DLGAP1: variants seen among roughly 807,000 people sequenced by gnomAD.
DLGAP1 encodes DLG associated protein 1, also known as disks large-associated protein 1.
A neutral mutation model predicts 90.8 loss-of-function variants in DLGAP1; 11 were observed. The observed-to-expected ratio is 0.12, with a 90% confidence interval of 0.08 to 0.20. The LOEUF (loss-of-function observed/expected upper bound fraction) is 0.20. Ranked by LOEUF, DLGAP1 falls within the 10% of genes least tolerant of loss-of-function variation. DLGAP1 has a pLI of 1.00. For synonymous variants in DLGAP1, 558 were observed against 540.7 expected (o/e 1.03, Z -0.44); for missense variants, 1,050 against 1,333.8 (o/e 0.79, Z 3.31).
chr18:4,007,325 C>T (rs1233336210), intron 2 of DLGAP1, among the ~76,000 whole-genome samples: 4 of 152,154 alleles, frequency 2.6e-5, no homozygotes, highest in Middle Eastern at 3.4e-3. Context: ...CCAACCCCCA[C>T]GTTTCCCCTC....
At chr18:4,056,515 T>A (rs534877568) in intron 2 of DLGAP1, among the ~76,000 whole-genome samples, 80 of 152,334 alleles carry the variant, frequency 5.3e-4, no homozygotes, top group African/African-American at 1.8e-3. Context: ...TTAGATCCTG[T>A]CAATTCTGTA....
In DLGAP1 at chr18:3,614,795, G is replaced by A. The variant is rs369951976; in HGVS notation, c.1592-32547C>T. 2.4e-4 allele frequency among the ~76,000 whole-genome samples: 36 copies of A among 148,790 alleles called. No homozygotes were observed. In the East Asian group the frequency reaches 2.8e-3, roughly 12 times the overall value. Reference sequence around the variant, plus strand: ...TCCCGGGAGGCAGATGTTGCCGTAAGTCGAGATAGTGCCACTGCACTCCAG... The same window carrying A: ...TCCCGGGAGGCAGATGTTGCCGTAAATCGAGATAGTGCCACTGCACTCCAG... On this transcript the variant is annotated intron_variant, in intron 7 of 12. Coordinates refer to ENST00000315677, the MANE Select transcript of DLGAP1 (RefSeq NM_004746.4).
chr18:3,616,688 G>A (rs2057882667), intron 7 of DLGAP1, among the ~76,000 whole-genome samples: 1 of 152,016 alleles, frequency 6.6e-6, no homozygotes, highest in African/African-American at 2.4e-5. Context: ...CCAGAAGGTC[G>A]AGGCTGCAGT....
chr18:3,777,797 T>A (rs2065003344), intron 5 of DLGAP1, among the ~76,000 whole-genome samples: 1 of 152,188 alleles, frequency 6.6e-6, no homozygotes, highest in Non-Finnish European at 1.5e-5. Context: ...TACAATGACA[T>A]AATTGGACTA....
chr18:4,444,172 GACGCTCC>G (rs1392617222), intron 1 of DLGAP1, among the ~76,000 whole-genome samples: 1 of 152,216 alleles, frequency 6.6e-6, no homozygotes, highest in Non-Finnish European at 1.5e-5. Context: ...CCACGAGGGA[GACGCTCC>G]TCTTTAAGGA....
intron 4 of DLGAP1, among the ~76,000 whole-genome samples, chr18:3,846,559 A>G (rs2069025144): frequency 6.6e-6 from 1 of 152,222 alleles, no homozygotes; most frequent in South Asian, 2.1e-4. Context: ...GTATCCACTA[A>G]CTGATGAAAG....
intron 1 of DLGAP1, among the ~76,000 whole-genome samples, chr18:4,170,472 G>A (rs1036589616): frequency 1.2e-4 from 19 of 152,134 alleles, no homozygotes; most frequent in Admixed American, 1.2e-3. Flanking sequence ...GTGAGGTCAG[G>A]TGAAAGCCAC....
At chr18:4,128,786 C>T (rs749312845) in intron 2 of DLGAP1, among the ~76,000 whole-genome samples, 9 of 152,082 alleles carry the variant, frequency 5.9e-5, no homozygotes, top group Admixed American at 4.6e-4. Context: ...TGAGAGTGAA[C>T]GACAGAAGCC....
intron 1 of DLGAP1, among the ~76,000 whole-genome samples, chr18:4,281,745 T>C (rs1451782698): frequency 6.6e-6 from 1 of 152,210 alleles, no homozygotes; most frequent in African/African-American, 2.4e-5. Context: ...AGCTCATTTC[T>C]TAATTTCCTT....
At chr18:3,654,573 C>T (rs769307886) in intron 7 of DLGAP1, 1 of 152,128 alleles carries the variant, frequency 6.6e-6, no homozygotes, top group Non-Finnish European at 1.5e-5. Context: ...CAGAGTGAAC[C>T]AACTGTTATC....
chr18:4,118,420 C>T (rs945447204), intron 2 of DLGAP1, among the ~76,000 whole-genome samples: 12 of 152,150 alleles, frequency 7.9e-5, no homozygotes, highest in Admixed American at 2.0e-4. Flanking sequence ...TGTATGGAGC[C>T]TCAGCCTTAG....
At chr18:3,943,857 AGAG>A (rs1207606690) in intron 3 of DLGAP1, among the ~76,000 whole-genome samples, 9 of 152,168 alleles carry the variant, frequency 5.9e-5, no homozygotes, top group Admixed American at 5.9e-4. Context: ...CCTTAGAAGA[AGAG>A]GAGATTAGGA....
chr18:3,902,296 G>C (rs1422985614), intron 3 of DLGAP1, among the ~76,000 whole-genome samples: 1 of 152,048 alleles, frequency 6.6e-6, no homozygotes, highest in East Asian at 1.9e-4. Flanking sequence ...CAAATGGCAA[G>C]GCAAATGGAA....
At chr18:3,602,814 G>A (rs1345262929) in intron 7 of DLGAP1, among the ~76,000 whole-genome samples, 1 of 152,000 alleles carries the variant, frequency 6.6e-6, no homozygotes, top group African/African-American at 2.4e-5. Flanking sequence ...GGTCAAAGAC[G>A]TTATTAAGTA....
chr18:3,778,723 G>A (rs1316633618), intron 5 of DLGAP1, among the ~76,000 whole-genome samples: 1 of 152,112 alleles, frequency 6.6e-6, no homozygotes, highest in African/African-American at 2.4e-5. Flanking sequence ...GGCTAGGCAT[G>A]GATACGGGAA....
At position 3,879,836 on chromosome 18, in the gene DLGAP1, T is replaced by C; in HGVS notation, c.233A>G (p.Gln78Arg). ...GGCACACTCGTCCTTCAGCTCTTGC[T>C]GCGAGGTGTAGTGCCTGCGGGGGAA... ...STFPRRHYTS[Q>R]QELKDECALV... Residue 78 changes from glutamine to arginine, a missense_variant, in exon 4 of 13, where the codon CAG (glutamine) becomes CGG (arginine). Coordinates refer to ENST00000315677, the MANE Select transcript of DLGAP1 (RefSeq NM_004746.4). The surrounding 1 kb of genome is among the most constrained non-coding windows in gnomAD (Gnocchi z 6.6). 1 of 1,609,458 alleles carries C rather than the reference T, an allele frequency of 6.2e-7. No homozygotes were observed. The highest frequency in any genetic ancestry group is 8.5e-7 in the Non-Finnish European group (1 of 1,179,850).
At chr18:4,078,160 T>C (rs777791774) in intron 2 of DLGAP1, among the ~76,000 whole-genome samples, 2 of 152,196 alleles carry the variant, frequency 1.3e-5, no homozygotes, top group Non-Finnish European at 2.9e-5. Context: ...AGAGTTACAA[T>C]GGGATCGAAT....
intron 2 of DLGAP1, among the ~76,000 whole-genome samples, chr18:4,132,913 C>G (rs1375064260): frequency 6.6e-6 from 1 of 152,130 alleles, no homozygotes; most frequent in Admixed American, 6.5e-5. Context: ...ACTTGTTACA[C>G]ATTTATTGAG....
chr18:4,315,159 A>C (rs2080496688), intron 1 of DLGAP1, among the ~76,000 whole-genome samples: 1 of 152,146 alleles, frequency 6.6e-6, no homozygotes, highest in Non-Finnish European at 1.5e-5. Flanking sequence ...CTTAACCTCA[A>C]TTTCCTCATC....
Sources: allele counts gnomAD v4.1 joint callset (sites outside exome capture counted in the v4.1 genomes callset), GRCh38; gene constraint gnomAD v4.1.1; non-coding constraint Gnocchi (gnomAD v3.1); transcripts MANE v1.5; gene names NCBI Gene and HGNC (gene_info 2026-07-23, HGNC 2026-07-21).